The following SLIT3 variants were observed in gnomAD, a reference collection of about 807,000 sequenced individuals.
SLIT3 encodes slit guidance ligand 3.
SLIT3 carries 68 observed loss-of-function variants against 184.0 expected under a neutral mutation model. The observed-to-expected ratio is 0.37, with a 90% CI of 0.30 to 0.45. The LOEUF (loss-of-function observed/expected upper bound fraction) is 0.45. SLIT3 is among the 20% of genes least tolerant of loss of function. The pLI, the probability that SLIT3 is intolerant of heterozygous loss-of-function variation, is 1.00. For synonymous variants in SLIT3, 831 were observed against 828.6 expected (o/e 1.00, Z -0.05); for missense variants, 1,707 against 2,026.0 (o/e 0.84, Z 3.02).
intron 12 of SLIT3, among the ~76,000 whole-genome samples, chr5:168,782,944 CAAT>C (rs568359194): frequency 1.3e-3 from 198 of 152,298 alleles, no homozygotes; most frequent in African/African-American, 4.5e-3. Flanking sequence ...CATCTGAAGA[CAAT>C]GATAACAGAC....
rs953056727 is a variant in SLIT3 at position 169,275,555 on chromosome 5, G to T, written c.198-24096C>A. ...CACCCAAGACTGGGAAGAAAAGGAG[G>T]TTTAATTGGACTTCCACACGGTAGG... On this transcript the variant is annotated intron_variant, in intron 1 of 35. Transcript: ENST00000519560. 5.9e-5 allele frequency among the ~76,000 whole-genome samples: 9 copies of T among 152,168 alleles called. No individual in the cohort carries two copies. The South Asian group carries it at 1.7e-3, about 28-fold the overall frequency.
chr5:168,673,398 C>CTG (rs1369001773), intron 32 of SLIT3, 67 bp from the exon 33 acceptor site: 2 of 1,462,922 alleles, frequency 1.4e-6, no homozygotes, highest in African/African-American at 2.8e-5. Flanking sequence ...GGGCCCTGTG[C>CTG]TGTGGACTTG....
In SLIT3 at chr5:168,700,688, CAA is replaced by C. The variant is rs773233529; in HGVS notation, c.2845-11_2845-10del. ...ACAGTGCAGTCCTTGCCCTGAGGAG[CAA>C]AAGAGGGAGAAGCACCTGGTTAGGG... On this transcript the variant is annotated splice_polypyrimidine_tract_variant and intron_variant, in intron 26 of 35. Transcript: ENST00000519560. 6.2e-7 allele frequency: 1 copy of C among 1,611,238 alleles called. No individual in the cohort carries two copies. The highest frequency in any genetic ancestry group is 2.2e-5 in the East Asian group (1 of 44,856).
chr5:168,973,906 T>C (rs1049536213), intron 4 of SLIT3, among the ~76,000 whole-genome samples: 2 of 152,232 alleles, frequency 1.3e-5, no homozygotes, highest in Non-Finnish European at 2.9e-5. Flanking sequence ...TCTGGACATT[T>C]ATAATGCAAT....
chr5:168,985,822 G>T (rs908618725), intron 4 of SLIT3, among the ~76,000 whole-genome samples: 2 of 151,946 alleles, frequency 1.3e-5, no homozygotes, highest in Non-Finnish European at 2.9e-5. Flanking sequence ...AACAAGAGAA[G>T]GAAAGGAGGG....
intron 4 of SLIT3, among the ~76,000 whole-genome samples, chr5:168,907,944 GTATATATATATATA>G (rs1224392381): frequency 9.4e-5 from 5 of 53,122 alleles, no homozygotes; most frequent in Admixed American, 4.6e-4. Context: ...TATTATACGT[GTATATATATATATA>G]TATATATATA....
chr5:168,813,740 C>G (rs1757241250), intron 8 of SLIT3, among the ~76,000 whole-genome samples: 1 of 152,198 alleles, frequency 6.6e-6, no homozygotes, highest in Admixed American at 6.5e-5. Flanking sequence ...GGAGAAGAAG[C>G]TGGGCTCCAG....
intron 4 of SLIT3, among the ~76,000 whole-genome samples, chr5:168,886,185 TC>T (rs1053416980): frequency 1.3e-5 from 2 of 152,290 alleles, no homozygotes; most frequent in Admixed American, 1.3e-4. Context: ...CCATTGAGCT[TC>T]CCTTCTCCGG....
At chr5:168,803,734 G>A (rs995307566) in intron 9 of SLIT3, among the ~76,000 whole-genome samples, 1 of 152,042 alleles carries the variant, frequency 6.6e-6, no homozygotes, top group South Asian at 2.1e-4. Flanking sequence ...CTGCCAAAGA[G>A]AAAAAAACCT....
At chr5:169,163,580 C>T (rs556175576) in intron 4 of SLIT3, among the ~76,000 whole-genome samples, 1 of 152,220 alleles carries the variant, frequency 6.6e-6, no homozygotes, top group African/African-American at 2.4e-5. Context: ...AACCAAAATG[C>T]AACTTATATG....
chr5:168,755,389 A>ATTTCTTTCTTTCTTTCCTTTCTTTC (rs1754860723), intron 16 of SLIT3, among the ~76,000 whole-genome samples: 5 of 133,774 alleles, frequency 3.7e-5, no homozygotes, highest in African/African-American at 1.0e-4. Context: ...CAGTGCCGCC[A>ATTTCTTTCTTTCTTTCCTTTCTTTC]TTTCTTTCTT....
Position 169,006,578 on chromosome 5 carries a change from TTCTCTC to T in SLIT3, c.414-123248_414-123243del, listed in dbSNP as rs369079733. ...AAGATTTTCTCTCTCTTTCCCCCTC[TTCTCTC>T]TCTCTCTCTCTCTCTCTCTCTCACA... On this transcript the variant is annotated intron_variant, in intron 4 of 35. Transcript: ENST00000519560. 6.2e-4 allele frequency among the ~76,000 whole-genome samples: 87 copies of T among 140,208 alleles called. 1 individual carries two copies. Among genetic ancestry groups the T allele is most frequent in the African/African-American group, 1.6e-3 (58 of 36,846 alleles). 92.0% of individuals were successfully genotyped at this position (140,208 alleles called of 152,430 possible).
At chr5:169,180,388 T>C (rs1486939689) in intron 4 of SLIT3, among the ~76,000 whole-genome samples, 1 of 152,190 alleles carries the variant, frequency 6.6e-6, no homozygotes, top group Non-Finnish European at 1.5e-5. Context: ...TGTAAAGTCA[T>C]TGGAACTTTT....
At chr5:168,839,241 C>A (rs1413338341) in intron 6 of SLIT3, among the ~76,000 whole-genome samples, 1 of 152,128 alleles carries the variant, frequency 6.6e-6, no homozygotes, top group Non-Finnish European at 1.5e-5. Context: ...TGGAGCTCAG[C>A]CTGCCAAGCA....
intron 3 of SLIT3, among the ~76,000 whole-genome samples, chr5:169,203,755 T>G (rs1763978376): frequency 6.6e-6 from 1 of 152,078 alleles, no homozygotes; most frequent in African/African-American, 2.4e-5. Flanking sequence ...GCTGATGGAT[T>G]GGAGGCAAGG....
At chr5:169,278,299 A>C (rs1766883937) in intron 1 of SLIT3, among the ~76,000 whole-genome samples, 1 of 152,156 alleles carries the variant, frequency 6.6e-6, no homozygotes, top group Non-Finnish European at 1.5e-5. Flanking sequence ...CTGCTTTAGA[A>C]TCAGGAAGCC....
chr5:169,125,090 C>G (rs1761031525), intron 4 of SLIT3, among the ~76,000 whole-genome samples: 1 of 151,892 alleles, frequency 6.6e-6, no homozygotes, highest in African/African-American at 2.4e-5. Context: ...ACTCTGTCGC[C>G]AGGCTACAGT....
intron 31 of SLIT3, among the ~76,000 whole-genome samples, chr5:168,684,460 GAAT>G (rs1761684434): frequency 6.6e-6 from 1 of 152,148 alleles, no homozygotes; most frequent in Non-Finnish European, 1.5e-5. Context: ...GTATAAAGAA[GAAT>G]AATAAGTCTT....
intron 4 of SLIT3, among the ~76,000 whole-genome samples, chr5:168,890,158 A>AG (rs1444712638): frequency 4.0e-5 from 6 of 150,146 alleles, no homozygotes; most frequent in East Asian, 2.0e-4. Context: ...AAAAAAAAAA[A>AG]AGAGAGAGAG....
Sources: allele counts gnomAD v4.1 joint callset (sites outside exome capture counted in the v4.1 genomes callset), GRCh38; gene constraint gnomAD v4.1.1; transcripts MANE v1.5; gene names NCBI Gene and HGNC (gene_info 2026-07-23, HGNC 2026-07-21).